The following CFAP119 variants were observed in gnomAD, a reference collection of about 807,000 sequenced individuals.
CFAP119 encodes the protein cilia and flagella associated protein 119.
chr16:30,757,702 G>A, the CFAP119 span: 5 of 1,558,524 alleles, frequency 3.2e-6, no homozygotes, highest in Non-Finnish European at 4.3e-6. Flanking sequence ...ATGCTGTCTG[G>A]CAATGGGGGG....
the CFAP119 span, chr16:30,760,239 T>C: frequency 2.5e-6 from 4 of 1,613,754 alleles, no homozygotes; most frequent in Non-Finnish European, 2.5e-6. Flanking sequence ...CAGGCCCGGT[T>C]CCTCTTCTCC....
chr16:30,760,708 C>T, the CFAP119 span: 1 of 1,538,156 alleles, frequency 6.5e-7, no homozygotes, highest in South Asian at 1.2e-5. Context: ...TGGCCGTTAC[C>T]TATCATGACA....
chr16:30,759,042 C>T, the CFAP119 span: 1 of 1,614,242 alleles, frequency 6.2e-7, no homozygotes, highest in Non-Finnish European at 8.5e-7. Flanking sequence ...GCCACTGTCT[C>T]TAGTTCCTCT....
At chr16:30,758,673 A>T in the CFAP119 span, 1 of 315,178 alleles carries the variant, frequency 3.2e-6, no homozygotes, top group South Asian at 2.9e-5. Context: ...CTCCTGCCTC[A>T]GCCTCCTGAG....
chr16:30,761,405 C>T, the CFAP119 span: 3 of 1,379,190 alleles, frequency 2.2e-6, no homozygotes, highest in South Asian at 2.4e-5. Context: ...CAGTAACCAC[C>T]GGGGTCACAC....
chr16:30,761,856 C>T, the CFAP119 span: 1 of 1,114,652 alleles, frequency 9.0e-7, no homozygotes, highest in Non-Finnish European at 1.2e-6. Flanking sequence ...TCGCCTCGCT[C>T]CGGCCAATCT....
At chr16:30,761,841 C>T in the CFAP119 span, 1 of 1,234,014 alleles carries the variant, frequency 8.1e-7, no homozygotes, top group Non-Finnish European at 1.1e-6. Flanking sequence ...CAAGGCCGGG[C>T]CCGTTCGCCT....
the CFAP119 span, chr16:30,761,353 C>A: frequency 6.9e-7 from 1 of 1,449,388 alleles, no homozygotes; most frequent in African/African-American, 1.4e-5. Context: ...GAGGCGCGGG[C>A]GAGGGAGGGC....
At chr16:30,761,544 C>A in the CFAP119 span, 1 of 1,536,054 alleles carries the variant, frequency 6.5e-7, no homozygotes, top group Non-Finnish European at 8.7e-7. Context: ...CCCGCCCTCA[C>A]CGGAAACAAG....
At chr16:30,758,583 T>C in the CFAP119 span, 1 of 230,632 alleles carries the variant, frequency 4.3e-6, no homozygotes, top group Non-Finnish European at 8.6e-6. Flanking sequence ...TGAGACAGAG[T>C]CTTGCTCTGT....
At chr16:30,757,433 G>T in the CFAP119 span, 6 of 1,591,072 alleles carry the variant, frequency 3.8e-6, no homozygotes, top group Non-Finnish European at 3.4e-6. Context: ...TGCAGGGATG[G>T]TGCCATTCTG....
At chr16:30,759,062 G>C in the CFAP119 span, 1 of 1,614,206 alleles carries the variant, frequency 6.2e-7, no homozygotes, top group Admixed American at 1.7e-5. Flanking sequence ...TTTCTGCGGG[G>C]TAACTGCCTG....
the CFAP119 span, chr16:30,761,033 T>C: frequency 4.2e-6 from 3 of 717,470 alleles, no homozygotes; most frequent in South Asian, 1.9e-5. Context: ...GCCTCCTCTT[T>C]GGACTGGAGA....
chr16:30,760,683 G>A, the CFAP119 span: 1 of 1,550,884 alleles, frequency 6.4e-7, no homozygotes, highest in Non-Finnish European at 8.7e-7. Context: ...TATAGTAAAA[G>A]AAAAAGAGTA....
At chr16:30,761,431 C>A in the CFAP119 span, 5 of 1,469,994 alleles carry the variant, frequency 3.4e-6, no homozygotes, top group Non-Finnish European at 4.6e-6. Context: ...TGCCTCTCCT[C>A]GCCCAAGCAG....
the CFAP119 span, chr16:30,759,046 T>G: frequency 5.6e-6 from 9 of 1,614,238 alleles, 1 homozygote; most frequent in African/African-American, 1.2e-4. Flanking sequence ...CTGTCTCTAG[T>G]TCCTCTTTCT....
the CFAP119 span, chr16:30,761,315 C>G: frequency 1.3e-6 from 2 of 1,578,082 alleles, no homozygotes; most frequent in South Asian, 2.2e-5. Flanking sequence ...GCCGCTGTAA[C>G]TTGCCATCTC....
At chr16:30,760,763 G>C in the CFAP119 span, 1 of 1,130,586 alleles carries the variant, frequency 8.8e-7, no homozygotes, top group Non-Finnish European at 1.3e-6. Flanking sequence ...GGCCACCGGC[G>C]TGAAGCTGGG....
At chr16:30,760,200 C>G in the CFAP119 span, 1 of 1,609,554 alleles carries the variant, frequency 6.2e-7, no homozygotes, top group Non-Finnish European at 8.5e-7. Context: ...CAGAAATCCC[C>G]TGCTTCTGCT....
Sources: gnomAD v4.1 joint callset for allele counts on GRCh38, gnomAD v4.1.1 for gene constraint, MANE v1.5 for transcripts, NCBI Gene and HGNC (gene_info 2026-07-23, HGNC 2026-07-21) for gene names.